DPP10: variants seen among roughly 807,000 people sequenced by gnomAD.
DPP10 encodes the protein inactive dipeptidyl peptidase 10.
In DPP10, 33 loss-of-function variants were observed where a neutral mutation model predicts 120.9. The ratio of observed to expected loss-of-function variants is 0.27; its 90% CI spans 0.21 to 0.37. DPP10 has a LOEUF of 0.37. DPP10 is among the 10% of genes least tolerant of loss of function. The pLI, the probability that DPP10 is intolerant of heterozygous loss-of-function variation, is 1.00. For missense variants in DPP10, 816 were observed against 942.8 expected (o/e 0.87, Z 1.76); for synonymous variants, 337 against 326.1 (o/e 1.03, Z -0.36).
chr2:115,241,676 A>G lies in DPP10; in HGVS notation c.61-67563A>G, dbSNP rs184372262. ...TTCTGATGTTAATCAAACCATTTCT[A>G]TTTCTTCATAGCTTTTCATTAGATG... On this transcript the variant is annotated intron_variant, in intron 1 of 25. Transcript: ENST00000410059. 1.9e-3 allele frequency among the ~76,000 whole-genome samples: 293 copies of G among 152,218 alleles called. 1 individual carries two copies. The highest frequency in any genetic ancestry group is 6.7e-3 in the African/African-American group (278 of 41,560).
chr2:115,233,040 T>TCTTGACTTAATCTTGA (rs1559284891), intron 1 of DPP10, among the ~76,000 whole-genome samples: 3 of 151,984 alleles, frequency 2.0e-5, no homozygotes, highest in East Asian at 3.9e-4. Flanking sequence ...TCTATCGTCA[T>TCTTGACTTAATCTTGA]CTTAATCTTG....
intron 1 of DPP10, among the ~76,000 whole-genome samples, chr2:115,262,122 T>C (rs1365824303): frequency 6.6e-6 from 1 of 152,204 alleles, no homozygotes; most frequent in East Asian, 1.9e-4. Flanking sequence ...GAAAAAAAAA[T>C]CTGATAATGT....
chr2:115,492,964 T>G lies in DPP10; in HGVS notation c.272-6546T>G, dbSNP rs181401857. On this transcript the variant is annotated intron_variant, in intron 3 of 25. Transcript: ENST00000410059. ...AAAGTTTGGACAAGATCTGGTGTAT[T>G]TATTAGTGGGCATTGTAAGAAAATC... is the stretch of plus-strand genomic sequence containing the variant. Among the ~76,000 whole-genome samples, 108 of 152,260 alleles carry G rather than the reference T, an allele frequency of 7.1e-4. No homozygotes were observed. The Middle Eastern group carries it at 0.02, about 29-fold the overall frequency.
At chr2:115,527,880 A>G (rs2148904687) in intron 5 of DPP10, among the ~76,000 whole-genome samples, 1 of 152,302 alleles carries the variant, frequency 6.6e-6, no homozygotes, top group Middle Eastern at 3.4e-3. Context: ...GCAAGCATGC[A>G]GAGAAACTGG....
intron 1 of DPP10, among the ~76,000 whole-genome samples, chr2:114,628,571 C>T (rs1694682208): frequency 6.6e-6 from 1 of 152,086 alleles, no homozygotes; most frequent in Admixed American, 6.6e-5. Context: ...TTTTGCCAAC[C>T]TTAATCATTA....
chr2:115,718,453 G>A (rs1167023153), intron 7 of DPP10, among the ~76,000 whole-genome samples: 6 of 152,220 alleles, frequency 3.9e-5, no homozygotes, highest in Non-Finnish European at 7.4e-5. Flanking sequence ...TTCAGATAAC[G>A]TAGCTGTCAT....
chr2:115,447,399 G>A (rs1484074062), intron 3 of DPP10, among the ~76,000 whole-genome samples: 2 of 152,156 alleles, frequency 1.3e-5, no homozygotes, highest in Middle Eastern at 3.2e-3. Context: ...AATGAGTTAA[G>A]ACTTTCAGGG....
intron 3 of DPP10, among the ~76,000 whole-genome samples, chr2:115,402,854 A>ATATATATATATATAT (rs1553584380): frequency 4.3e-4 from 42 of 97,616 alleles, no homozygotes; most frequent in African/African-American, 1.4e-3. Flanking sequence ...AAAAAAAAAA[A>ATATATATATATATAT]ATATATATAT....
rs74265866 is a variant in DPP10, at chr2:114,961,448, C to CGTGT, written c.61-347771_61-347768dup. Among the ~76,000 whole-genome samples the CGTGT allele has an allele frequency of 6.5e-3, 977 of 150,368 alleles. 9 individuals carry two copies. The highest frequency in any genetic ancestry group is 0.022 in the African/African-American group (899 of 40,976). ...CTTTGTGTGTGTTTGTGTTTGAATG[C>CGTGT]GTGTGTGTGTGTGTGTGTGTGTGCG... is the stretch of plus-strand genomic sequence containing the variant. On this transcript the variant is annotated intron_variant, in intron 1 of 25. Transcript: ENST00000410059.
chr2:114,871,744 G>A (rs1238206248), intron 1 of DPP10, among the ~76,000 whole-genome samples: 1 of 152,190 alleles, frequency 6.6e-6, no homozygotes, highest in Non-Finnish European at 1.5e-5. Context: ...CCATGGACCA[G>A]AACTGGTCTT....
At chr2:114,879,256 T>C (rs937883211) in intron 1 of DPP10, among the ~76,000 whole-genome samples, 2 of 152,116 alleles carry the variant, frequency 1.3e-5, no homozygotes, top group African/African-American at 4.8e-5. Context: ...TTATAAGACA[T>C]AGTCCCTACC....
At chr2:114,531,990 G>A (rs552740298) in intron 1 of DPP10, among the ~76,000 whole-genome samples, 20 of 151,970 alleles carry the variant, frequency 1.3e-4, no homozygotes, top group East Asian at 5.8e-4. Context: ...ACTGAGGGGC[G>A]AAATAGAACA....
intron 1 of DPP10, among the ~76,000 whole-genome samples, chr2:115,193,415 G>T (rs1332892258): frequency 6.6e-6 from 1 of 152,130 alleles, no homozygotes; most frequent in East Asian, 1.9e-4. Context: ...GATAATACAT[G>T]TTACAGTGTT....
At chr2:115,103,062 T>TA (rs2048770685) in intron 1 of DPP10, among the ~76,000 whole-genome samples, 1 of 152,102 alleles carries the variant, frequency 6.6e-6, no homozygotes, top group Non-Finnish European at 1.5e-5. Flanking sequence ...ATAGCTGCTA[T>TA]AAAAAATGAA....
At chr2:115,639,323 C>G (rs186020679) in intron 5 of DPP10, among the ~76,000 whole-genome samples, 7 of 152,292 alleles carry the variant, frequency 4.6e-5, no homozygotes, top group Non-Finnish European at 8.8e-5. Flanking sequence ...ATGTAATACT[C>G]CATATTTGCC....
intron 1 of DPP10, among the ~76,000 whole-genome samples, chr2:115,263,807 G>A (rs965238855): frequency 6.6e-6 from 1 of 152,100 alleles, no homozygotes; most frequent in Non-Finnish European, 1.5e-5. Flanking sequence ...ATGTTAGATA[G>A]CGTTGCACTC....
At chr2:115,674,094 G>A (rs147970802) in intron 5 of DPP10, among the ~76,000 whole-genome samples, 16 of 152,072 alleles carry the variant, frequency 1.1e-4, no homozygotes, top group East Asian at 7.8e-4. Context: ...GCATGGTGAC[G>A]CTTGCCTGTA....
At chr2:114,617,050 A>T (rs1693728299) in intron 1 of DPP10, among the ~76,000 whole-genome samples, 2 of 152,136 alleles carry the variant, frequency 1.3e-5, no homozygotes, top group South Asian at 4.1e-4. Flanking sequence ...CATCAGAAAA[A>T]TTCATCAAGC....
intron 1 of DPP10, among the ~76,000 whole-genome samples, chr2:115,160,750 G>C (rs781405962): frequency 1.2e-4 from 18 of 152,128 alleles, no homozygotes; most frequent in Non-Finnish European, 2.5e-4. Flanking sequence ...TTGTCTATCC[G>C]CGGTAATTCA....
Sources: gnomAD v4.1 joint callset for allele counts (sites outside exome capture counted in the v4.1 genomes callset) on GRCh38, gnomAD v4.1.1 for gene constraint, MANE v1.5 for transcripts, NCBI Gene and HGNC (gene_info 2026-07-23, HGNC 2026-07-21) for gene names.